Variants in CACNA2D3 observed in about 807,000 individuals in gnomAD.
CACNA2D3 encodes the protein voltage-dependent calcium channel subunit alpha-2/delta-3.
Under a neutral mutation model 160.6 loss-of-function variants are expected in CACNA2D3, and 60 were observed. The ratio of observed to expected loss-of-function variants is 0.37; its 90% CI spans 0.30 to 0.46. The LOEUF (loss-of-function observed/expected upper bound fraction) is 0.46. Among genes scored for constraint, CACNA2D3 ranks in the 20% least tolerant of loss-of-function variants. The pLI, the probability that CACNA2D3 is intolerant of heterozygous loss-of-function variation, is 1.00. For synonymous variants in CACNA2D3, 558 were observed against 492.9 expected (o/e 1.13, Z -1.75); for missense variants, 1,205 against 1,365.0 (o/e 0.88, Z 1.85).
intron 16 of CACNA2D3, among the ~76,000 whole-genome samples, chr3:54,842,387 C>T (rs1367180105): frequency 6.6e-6 from 1 of 152,102 alleles, no homozygotes; most frequent in African/African-American, 2.4e-5. Context: ...TCAAGATGAG[C>T]TAGGTAACAT....
At chr3:54,591,567 GTTTTTTT>G (rs397755008) in intron 9 of CACNA2D3, among the ~76,000 whole-genome samples, 1 of 121,356 alleles carries the variant, frequency 8.2e-6, no homozygotes, top group East Asian at 2.7e-4. Flanking sequence ...GTTGAAAAAA[GTTTTTTT>G]TTTTTTTTTT....
chr3:54,659,255 G>A (rs1475093820), intron 11 of CACNA2D3, among the ~76,000 whole-genome samples: 2 of 152,194 alleles, frequency 1.3e-5, no homozygotes, highest in Non-Finnish European at 2.9e-5. Context: ...TGTTTTCTCC[G>A]AAGTGCCCAG....
chr3:54,391,303 C>G (rs1054240268), intron 4 of CACNA2D3, among the ~76,000 whole-genome samples: 1 of 152,132 alleles, frequency 6.6e-6, no homozygotes, highest in Non-Finnish European at 1.5e-5. Context: ...TCCCCGTGAC[C>G]TTATGGCTTG....
intron 3 of CACNA2D3, among the ~76,000 whole-genome samples, chr3:54,350,986 G>GTTTTTTTTTTTTTTTTTTT (rs796392854): frequency 5.3e-4 from 35 of 65,946 alleles, no homozygotes; most frequent in East Asian, 7.6e-4. Flanking sequence ...TTTTTTGTTT[G>GTTTTTTTTTTTTTTTTTTT]TTTTTTTTTT....
intron 3 of CACNA2D3, among the ~76,000 whole-genome samples, chr3:54,334,757 C>T (rs916885905): frequency 7.9e-5 from 12 of 152,180 alleles, no homozygotes; most frequent in Non-Finnish European, 1.6e-4. Context: ...TGGCATGAGC[C>T]CATGGGTTAC....
chr3:54,922,828 A>T (rs1169798222), intron 27 of CACNA2D3, among the ~76,000 whole-genome samples: 5 of 151,740 alleles, frequency 3.3e-5, no homozygotes, highest in African/African-American at 1.2e-4. Flanking sequence ...CACTCCCCCC[A>T]GTCCCCTCTT....
At chr3:54,687,132 T>C (rs71617218) in intron 11 of CACNA2D3, among the ~76,000 whole-genome samples, 18,591 of 60,888 alleles carry the variant, frequency 0.31, 1,308 homozygotes, top group Admixed American at 0.37. Context: ...TTTTTTTTTT[T>C]TTGTTTTTTT....
rs1398058149 is a variant in CACNA2D3, at chr3:54,122,815, G to A, written c.102G>A (p.Glu34=). The A allele has an allele frequency of 1.6e-6, 2 of 1,232,632 alleles. No individual in the cohort carries two copies. The highest frequency in any genetic ancestry group is 2.0e-6 in the Non-Finnish European group (2 of 982,762). 76.4% of individuals were successfully genotyped at this position (1,232,632 alleles called of 1,614,324 possible). A position where few individuals can be genotyped will look rare whatever the true frequency, so the allele number is the denominator to read the frequency against. ...CGCTGGGGGACGTGGTGCGCTCGGA[G>A]CAGCAGATACCGCTCTCCGTGTAAG... ...YAALGDVVRS[E]QQIPLSVVKL... Residue 34 remains glutamate, a synonymous_variant, in exon 1 of 38, where the codon GAG becomes GAA. Transcript: ENST00000474759.
At chr3:54,741,781 T>C (rs2107043856) in intron 11 of CACNA2D3, among the ~76,000 whole-genome samples, 1 of 152,276 alleles carries the variant, frequency 6.6e-6, no homozygotes, top group East Asian at 1.9e-4. Context: ...TAAACCTTGA[T>C]AGCCAGTGAG....
chr3:54,273,441 C>T (rs1399637202), intron 2 of CACNA2D3, among the ~76,000 whole-genome samples: 2 of 152,170 alleles, frequency 1.3e-5, no homozygotes, highest in Non-Finnish European at 2.9e-5. Flanking sequence ...GCTTTATTTC[C>T]CACTGATTTC....
At chr3:54,881,793 A>G (rs1196249413) in intron 21 of CACNA2D3, among the ~76,000 whole-genome samples, 1 of 152,212 alleles carries the variant, frequency 6.6e-6, no homozygotes, top group East Asian at 1.9e-4. Flanking sequence ...AACTGATTAC[A>G]CATGTATGTG....
chr3:54,771,283 C>T (rs924765759), intron 13 of CACNA2D3, among the ~76,000 whole-genome samples: 3 of 152,190 alleles, frequency 2.0e-5, no homozygotes, highest in Non-Finnish European at 2.9e-5. Flanking sequence ...TAGTTCTCTA[C>T]TGCCCTTTAA....
chr3:55,015,182 T>C (rs1703302072), intron 34 of CACNA2D3, among the ~76,000 whole-genome samples: 1 of 152,222 alleles, frequency 6.6e-6, no homozygotes, highest in East Asian at 1.9e-4. Context: ...TATCTCAGCC[T>C]GACCCAAAGA....
At chr3:54,777,668 G>A (rs1702449073) in intron 13 of CACNA2D3, among the ~76,000 whole-genome samples, 1 of 152,172 alleles carries the variant, frequency 6.6e-6, no homozygotes, top group Admixed American at 6.5e-5. Context: ...AAGCAAGGCT[G>A]GAGTACTCAT....
chr3:54,746,100 A>G (rs961467038), intron 11 of CACNA2D3, among the ~76,000 whole-genome samples: 3 of 152,230 alleles, frequency 2.0e-5, no homozygotes, highest in African/African-American at 7.2e-5. Context: ...AGCCTGCTCA[A>G]TATAACTGTC....
intron 11 of CACNA2D3, among the ~76,000 whole-genome samples, chr3:54,706,375 G>T (rs1317657363): frequency 6.6e-6 from 1 of 152,174 alleles, no homozygotes; most frequent in Non-Finnish European, 1.5e-5. Context: ...CATTAACAAT[G>T]CATGAAGCCA....
At chr3:54,568,578 A>T (rs957039266) in intron 6 of CACNA2D3, among the ~76,000 whole-genome samples, 1 of 152,242 alleles carries the variant, frequency 6.6e-6, no homozygotes, top group Non-Finnish European at 1.5e-5. Context: ...ACCTGGCTTT[A>T]TGCAAAGCAA....
chr3:54,464,709 C>A (rs1422829626), intron 4 of CACNA2D3, among the ~76,000 whole-genome samples: 10 of 152,260 alleles, frequency 6.6e-5, no homozygotes, highest in African/African-American at 2.4e-4. Context: ...GGGGAACTCC[C>A]TGACCCCTCG....
intron 9 of CACNA2D3, among the ~76,000 whole-genome samples, chr3:54,610,876 G>A (rs746176705): frequency 1.3e-5 from 2 of 152,102 alleles, no homozygotes; most frequent in Non-Finnish European, 2.9e-5. Flanking sequence ...TGATCCACCC[G>A]CCTTGGCCTC....
Sources: gnomAD v4.1 joint callset for allele counts (sites outside exome capture counted in the v4.1 genomes callset) on GRCh38, gnomAD v4.1.1 for gene constraint, MANE v1.5 for transcripts, NCBI Gene and HGNC (gene_info 2026-07-23, HGNC 2026-07-21) for gene names.